Variants in FIG4 observed in about 807,000 individuals in gnomAD.
FIG4 encodes the protein polyphosphoinositide phosphatase.
Under a neutral mutation model 118.6 loss-of-function variants are expected in FIG4, and 112 were observed. The observed-to-expected ratio is 0.94, with a 90% CI of 0.81 to 1.11. The LOEUF (loss-of-function observed/expected upper bound fraction) is 1.11. Among genes scored for constraint, FIG4 ranks in the 50% least tolerant of loss-of-function variants. The pLI, the probability that FIG4 is intolerant of heterozygous loss-of-function variation, is 0.00. For missense variants in FIG4, 969 were observed against 1,111.7 expected (o/e 0.87, Z 1.83); for synonymous variants, 369 against 381.2 (o/e 0.97, Z 0.37).
intron 3 of FIG4, among the ~76,000 whole-genome samples, chr6:109,721,445 G>A (rs1413607139): frequency 6.6e-6 from 1 of 152,066 alleles, no homozygotes; most frequent in African/African-American, 2.4e-5. Context: ...GCTGATGAGG[G>A]TCCTCTCCAG....
chr6:109,723,705 C>T (rs1286226776), intron 3 of FIG4, among the ~76,000 whole-genome samples: 1 of 152,180 alleles, frequency 6.6e-6, no homozygotes, highest in Non-Finnish European at 1.5e-5. Context: ...TGGGTCAGTC[C>T]AAGTTCTTCC....
chr6:109,762,330 T>C, intron 12 of FIG4, 123 bp downstream of exon 12: 1 of 697,562 alleles, frequency 1.4e-6, no homozygotes, highest in Non-Finnish European at 2.6e-6. Context: ...GGCACACTGC[T>C]CACATGACTG....
chr6:109,766,473 C>A (rs1033884010), intron 14 of FIG4, among the ~76,000 whole-genome samples: 2 of 152,212 alleles, frequency 1.3e-5, no homozygotes, highest in African/African-American at 4.8e-5. Context: ...TGGTTAGAAA[C>A]AACCTGGTCT....
In FIG4 at chr6:109,725,246, C is replaced by T. The variant is rs1225511720; in HGVS notation, c.290-1863C>T. The stretch of plus-strand genomic sequence containing the variant: ...GTTAGGTATTTGTCCTAATGCTCTT[C>T]CTCTCCTTGCCCCCACCCCTCGACA... On this transcript the variant is annotated intron_variant, in intron 3 of 22. Coordinates refer to ENST00000230124, the MANE Select transcript of FIG4 (RefSeq NM_014845.6). Among the ~76,000 whole-genome samples, 3 of 152,094 alleles carry T rather than the reference C, an allele frequency of 2.0e-5. No homozygotes were observed. The East Asian group carries it at 5.8e-4, about 29-fold the overall frequency.
At chr6:109,727,368 A>T in intron 4 of FIG4, 103 bp downstream of exon 4, 2 of 918,632 alleles carry the variant, frequency 2.2e-6, no homozygotes, top group East Asian at 4.8e-5. Flanking sequence ...AGCTTGCTGT[A>T]GCCTTGGCCT....
At chr6:109,796,987 C>CCT in intron 22 of FIG4, 136 bp downstream of exon 22, 1 of 668,786 alleles carries the variant, frequency 1.5e-6, no homozygotes, top group South Asian at 1.6e-5. Flanking sequence ...CCTTGTGGTA[C>CCT]CTTACTTGAG....
intron 22 of FIG4, among the ~76,000 whole-genome samples, chr6:109,798,380 T>C (rs1465756790): frequency 6.6e-6 from 1 of 152,138 alleles, no homozygotes. Flanking sequence ...ATTCAACACA[T>C]AGGTATTGAA....
intron 21 of FIG4, among the ~76,000 whole-genome samples, chr6:109,795,584 T>C (rs1778261583): frequency 6.7e-6 from 1 of 148,884 alleles, no homozygotes; most frequent in African/African-American, 2.5e-5. Context: ...TCTGTTCTTT[T>C]GGTTTCAGTC....
At chr6:109,806,472 T>G (rs142939442) in intron 22 of FIG4, among the ~76,000 whole-genome samples, 4 of 152,152 alleles carry the variant, frequency 2.6e-5, no homozygotes, top group African/African-American at 9.6e-5. Flanking sequence ...CACACATGTG[T>G]GCACACACGA....
chr6:109,699,217 T>A (rs1774827417), intron 1 of FIG4, among the ~76,000 whole-genome samples: 1 of 152,210 alleles, frequency 6.6e-6, no homozygotes, highest in South Asian at 2.1e-4. Context: ...TTTCCAGGAA[T>A]TTGTTCATTT....
chr6:109,778,317 A>G (rs1777680207), intron 16 of FIG4, among the ~76,000 whole-genome samples: 2 of 151,682 alleles, frequency 1.3e-5, no homozygotes, highest in Admixed American at 1.3e-4. Context: ...AAAAAATACA[A>G]AAAATAGCTG....
chr6:109,775,555 C>T (rs1554306003), intron 15 of FIG4, among the ~76,000 whole-genome samples: 1 of 152,068 alleles, frequency 6.6e-6, no homozygotes, highest in Non-Finnish European at 1.5e-5. Context: ...CTATTAAGTG[C>T]TATTAAGGCT....
At chr6:109,756,793 CTTTAAGCACT>C (rs1776921091) in intron 10 of FIG4, among the ~76,000 whole-genome samples, 1 of 152,204 alleles carries the variant, frequency 6.6e-6, no homozygotes, top group Non-Finnish European at 1.5e-5. Context: ...CCATCAGCTC[CTTTAAGCACT>C]TCTCTGTATT....
intron 22 of FIG4, among the ~76,000 whole-genome samples, chr6:109,818,027 G>T (rs1778908571): frequency 6.6e-6 from 1 of 152,134 alleles, no homozygotes; most frequent in Non-Finnish European, 1.5e-5. Flanking sequence ...ACCATCAGAG[G>T]AGCTGCTGTG....
At chr6:109,701,472 G>A (rs1774905430) in intron 1 of FIG4, among the ~76,000 whole-genome samples, 1 of 152,158 alleles carries the variant, frequency 6.6e-6, no homozygotes, top group South Asian at 2.1e-4. Flanking sequence ...CACAATAAGT[G>A]ACCATTTCAT....
At chr6:109,732,759 G>C in intron 5 of FIG4, 72 bp downstream of exon 5, 1 of 897,476 alleles carries the variant, frequency 1.1e-6, no homozygotes, top group Admixed American at 1.8e-5. Context: ...GGTAAAAGCA[G>C]AATGAGAACA....
chr6:109,737,864 G>T (rs1030053966), intron 6 of FIG4, among the ~76,000 whole-genome samples: 1 of 152,122 alleles, frequency 6.6e-6, no homozygotes, highest in African/African-American at 2.4e-5. Flanking sequence ...CGTGGTACAG[G>T]TGAGGGAGCA....
At chr6:109,754,753 G>T (rs1776827766) in intron 10 of FIG4, among the ~76,000 whole-genome samples, 1 of 152,056 alleles carries the variant, frequency 6.6e-6, no homozygotes, top group African/African-American at 2.4e-5. Context: ...ATTCTCTGAT[G>T]GTAGTTTGTA....
Position 109,743,747 on chromosome 6 carries a change from CCAT to C in FIG4, c.1120_1122del (p.Ile374del). ...CAGATGTTCCAGAGGTTTGGCTCTC[CCAT>C]CATCATCTTGAATTTAGTGAAGGTA... On this transcript the variant is annotated inframe_deletion, in exon 10 of 23. Transcript: ENST00000230124. The C allele has an allele frequency of 6.2e-7, 1 of 1,612,356 alleles. No individual in the cohort carries two copies. The highest frequency in any genetic ancestry group is 1.1e-5 in the South Asian group (1 of 91,056).
Sources: gnomAD v4.1 joint callset for allele counts (sites outside exome capture counted in the v4.1 genomes callset) on GRCh38, gnomAD v4.1.1 for gene constraint, MANE v1.5 for transcripts, NCBI Gene and HGNC (gene_info 2026-07-23, HGNC 2026-07-21) for gene names.